ASB3: variants seen among roughly 807,000 people sequenced by gnomAD.
ASB3 encodes ankyrin repeat and SOCS box protein 3.
In ASB3, 41 loss-of-function variants were observed where a neutral mutation model predicts 54.5. The ratio of observed to expected loss-of-function variants is 0.75; its 90% confidence interval spans 0.59 to 0.98. ASB3 has a LOEUF of 0.98. Ranked by LOEUF, ASB3 falls within the 50% of genes least tolerant of loss-of-function variation. The pLI, the probability that ASB3 is intolerant of heterozygous loss-of-function variation, is 0.00. For missense variants in ASB3, 733 were observed against 620.0 expected, an observed-to-expected ratio of 1.18 and a Z score of -1.94; for synonymous variants, 266 against 221.2, an observed-to-expected ratio of 1.20 and a Z score of -1.80.
chr2:53,694,992 CT>C (rs1192264746), intron 8 of ASB3, among the ~76,000 whole-genome samples: 1 of 152,006 alleles, frequency 6.6e-6, no homozygotes, highest in Non-Finnish European at 1.5e-5. Flanking sequence ...AACAAGATTA[CT>C]TATCCTGTAT....
intron 7 of ASB3, among the ~76,000 whole-genome samples, chr2:53,710,126 C>CA (rs1483172522): frequency 1.3e-5 from 2 of 152,190 alleles, no homozygotes; most frequent in Non-Finnish European, 1.5e-5. Context: ...CTGAACTGCC[C>CA]ACCAAGCTAC....
intron 2 of ASB3, among the ~76,000 whole-genome samples, chr2:53,754,548 C>T (rs1241516654): frequency 6.6e-6 from 1 of 152,174 alleles, no homozygotes; most frequent in East Asian, 1.9e-4. Flanking sequence ...ATTAAGCTAA[C>T]TTTAAAATCA....
chr2:53,709,078 T>G (rs1389729973), intron 7 of ASB3, among the ~76,000 whole-genome samples: 1 of 152,034 alleles, frequency 6.6e-6, no homozygotes, highest in East Asian at 1.9e-4. Flanking sequence ...CACCAGGGGG[T>G]GGTGGAAGGC....
chr2:53,727,584 T>C lies in ASB3; in HGVS notation c.604+1128A>G, dbSNP rs139532129. Among the ~76,000 whole-genome samples the C allele has an allele frequency of 9.8e-4, 149 of 152,318 alleles. 1 individual carries two copies. Among genetic ancestry groups the C allele is most frequent in the African/African-American group, 3.5e-3 (146 of 41,576 alleles). ...TCAGGAGTTTAAGGTTACAATGAGC[T>C]GTGATCATACCACTATACTCTAGCC... On this transcript the variant is annotated intron_variant, in intron 5 of 9. Coordinates refer to ENST00000263634, the MANE Select transcript of ASB3 (RefSeq NM_016115.5).
At chr2:53,756,751 C>A in intron 2 of ASB3, 1 of 153,128 alleles carries the variant, frequency 6.5e-6, no homozygotes, top group South Asian at 1.8e-4. Context: ...ACTGAGCTTT[C>A]ACTCACCGTC....
chr2:53,728,664 T>G (rs775426949), intron 5 of ASB3, 48 bp downstream of exon 5: 2 of 1,430,320 alleles, frequency 1.4e-6, no homozygotes, highest in East Asian at 4.8e-5. Flanking sequence ...GGAAATATAG[T>G]TTAAAGCTCA....
rs147424840 is a variant in ASB3, at chr2:53,767,912, T to C, written c.-13-2327A>G. 2.3e-3 allele frequency: 3,760 copies of C among 1,613,402 alleles called. 9 individuals carry two copies. Among genetic ancestry groups the C allele is most frequent in the Admixed American group, 3.6e-3 (214 of 59,938 alleles). On this transcript the variant is annotated intron_variant, in intron 1 of 9. Coordinates refer to ENST00000263634, the MANE Select transcript of ASB3 (RefSeq NM_016115.5). ...ATGTGGGTTTTTGGTTACGGGTCCC[T>C]GATCTGGAAGGTGGATTTCCCCTAT...
chr2:53,689,883 C>T (rs1013238268), intron 9 of ASB3, among the ~76,000 whole-genome samples: 23 of 152,118 alleles, frequency 1.5e-4, no homozygotes, highest in African/African-American at 4.8e-4. Flanking sequence ...AATATCTGCA[C>T]TCTGATACTT....
At chr2:53,770,932 CATA>C (rs1261247189) in intron 1 of ASB3, among the ~76,000 whole-genome samples, 2 of 152,194 alleles carry the variant, frequency 1.3e-5, no homozygotes, top group Non-Finnish European at 2.9e-5. Flanking sequence ...AAGAACACTT[CATA>C]ACTCAGAAGT....
chr2:53,760,575 C>T (rs1392676520), intron 2 of ASB3, among the ~76,000 whole-genome samples: 4 of 152,196 alleles, frequency 2.6e-5, no homozygotes, highest in Non-Finnish European at 5.9e-5. Context: ...ATAGCTTCTT[C>T]CCCTCAGGAT....
At chr2:53,719,489 T>C (rs933023331) in intron 5 of ASB3, among the ~76,000 whole-genome samples, 1 of 152,152 alleles carries the variant, frequency 6.6e-6, no homozygotes, top group African/African-American at 2.4e-5. Flanking sequence ...CAAACTCCTC[T>C]GCGACCAGAG....
chr2:53,691,654 G>A (rs1374658124), intron 9 of ASB3, among the ~76,000 whole-genome samples: 1 of 152,068 alleles, frequency 6.6e-6, no homozygotes, highest in Non-Finnish European at 1.5e-5. Context: ...AAAGGAGGGA[G>A]TCCCGATGAC....
intron 1 of ASB3, among the ~76,000 whole-genome samples, chr2:53,782,988 G>A (rs892351873): frequency 1.3e-5 from 2 of 152,026 alleles, no homozygotes; most frequent in Non-Finnish European, 1.5e-5. Flanking sequence ...GTTTCACCAT[G>A]TTGGCCAGGC....
At chr2:53,755,985 C>CCA (rs1553380774) in intron 2 of ASB3, among the ~76,000 whole-genome samples, 1 of 151,288 alleles carries the variant, frequency 6.6e-6, no homozygotes, top group Non-Finnish European at 1.5e-5. Context: ...AGACCCCCCC[C>CCA]CCACCTCTAC....
At chr2:53,723,358 T>TG (rs1670814928) in intron 5 of ASB3, among the ~76,000 whole-genome samples, 1 of 152,158 alleles carries the variant, frequency 6.6e-6, no homozygotes, top group Non-Finnish European at 1.5e-5. Flanking sequence ...CATAAGTTAT[T>TG]GGGGAACAGG....
At chr2:53,702,729 G>T (rs1384273277) in intron 7 of ASB3, among the ~76,000 whole-genome samples, 2 of 152,154 alleles carry the variant, frequency 1.3e-5, no homozygotes, top group African/African-American at 4.8e-5. Flanking sequence ...GCTCCTTGAA[G>T]TTCAAAACTA....
At chr2:53,785,706 G>A (rs867048455) in intron 1 of ASB3, among the ~76,000 whole-genome samples, 14 of 152,286 alleles carry the variant, frequency 9.2e-5, no homozygotes, top group Middle Eastern at 3.4e-3. Context: ...AGGGTGTAGC[G>A]GCGCGCGCCT....
intron 2 of ASB3, among the ~76,000 whole-genome samples, chr2:53,764,252 T>C (rs910007650): frequency 7.9e-5 from 12 of 152,192 alleles, no homozygotes; most frequent in African/African-American, 2.7e-4. Context: ...AGTGTTACAA[T>C]GCAGAGTATT....
chr2:53,721,061 T>A (rs746936317), intron 5 of ASB3, among the ~76,000 whole-genome samples: 1 of 151,146 alleles, frequency 6.6e-6, no homozygotes, highest in Non-Finnish European at 1.5e-5. Flanking sequence ...GAGGTTGCAG[T>A]GAGCCAAGAT....
Sources: gnomAD v4.1 joint callset for allele counts (sites outside exome capture counted in the v4.1 genomes callset) on GRCh38, gnomAD v4.1.1 for gene constraint, MANE v1.5 for transcripts, NCBI Gene and HGNC (gene_info 2026-07-23, HGNC 2026-07-21) for gene names.